Variants in MYO6 observed in about 807,000 individuals in gnomAD.
MYO6 encodes myosin VI.
MYO6 carries 74 observed loss-of-function variants against 178.7 expected under a neutral mutation model. That is an observed-to-expected ratio of 0.41 (90% CI 0.34 to 0.50). MYO6 has a LOEUF of 0.50. Ranked by LOEUF, MYO6 falls within the 20% of genes least tolerant of loss-of-function variation. The pLI, the probability that MYO6 is intolerant of heterozygous loss-of-function variation, is 0.09. For missense variants in MYO6, 1,330 were observed against 1,547.4 expected, an observed-to-expected ratio of 0.86 and a Z score of 2.36; for synonymous variants, 477 against 504.6, an observed-to-expected ratio of 0.95 and a Z score of 0.73.
chr6:75,900,597 A>C (rs1223808859), intron 30 of MYO6, among the ~76,000 whole-genome samples: 1 of 151,886 alleles, frequency 6.6e-6, no homozygotes, highest in African/African-American at 2.4e-5. Context: ...GTTTTCTTGT[A>C]AATTTGTTTG....
At chr6:75,874,684 C>G (rs1213953328) in intron 20 of MYO6, among the ~76,000 whole-genome samples, 1 of 152,210 alleles carries the variant, frequency 6.6e-6, no homozygotes, top group Non-Finnish European at 1.5e-5. Flanking sequence ...TCAGATGGAT[C>G]TTTCCCATTA....
chr6:75,915,939 T>A lies in MYO6; in HGVS notation c.*927T>A, dbSNP rs1168228716. 1 of 152,650 alleles carries A rather than the reference T, an allele frequency of 6.6e-6. No homozygotes were observed. The highest frequency in any genetic ancestry group is 1.5e-5 in the Non-Finnish European group (1 of 68,036). 9.5% of individuals were successfully genotyped at this position (152,650 alleles called of 1,614,324 possible). ...GTTCTGCTTCCAACATCTTTCTTTT[T>A]AAGAAATTCCTAGTGTCTTTTTTGG... is the stretch of plus-strand genomic sequence containing the variant. On this transcript the variant is annotated 3_prime_UTR_variant, in exon 35 of 35. Transcript: ENST00000369977.
Position 75,805,002 on chromosome 6 carries a change from C to CACATATATAT in MYO6, c.-47-12498_-47-12497insCATATATATA, listed in dbSNP as rs1554199386. Among the ~76,000 whole-genome samples the CACATATATAT allele has an allele frequency of 2.3e-3, 148 of 63,942 alleles. 2 individuals carry two copies. Among genetic ancestry groups the CACATATATAT allele is most frequent in the African/African-American group, 7.5e-3 (98 of 13,124 alleles). 41.9% of individuals were successfully genotyped at this position (63,942 alleles called of 152,430 possible). On this transcript the variant is annotated intron_variant, in intron 1 of 34. Transcript: ENST00000369977. ...ACACACATATATATATACACACACA[C>CACATATATAT]ATATATATATATATATATATTTTTT...
Position 75,916,200 on chromosome 6 carries a change from G to T in MYO6, c.*1188G>T, listed in dbSNP as rs1284957041. On this transcript the variant is annotated 3_prime_UTR_variant, in exon 35 of 35. Coordinates refer to ENST00000369977, the MANE Select transcript of MYO6 (RefSeq NM_004999.4). The stretch of plus-strand genomic sequence containing the variant: ...TGCTGACATAATTCTAAGGAGTTTT[G>T]TTGTATTTTAGAATAAAATTATAAA... 5.3e-5 allele frequency: 8 copies of T among 152,120 alleles called. No individual in the cohort carries two copies. Among genetic ancestry groups the T allele is most frequent in the African/African-American group, 1.9e-4 (8 of 41,420 alleles). The allele number at this position is 152,120 out of a possible 1,614,324, so 9.4% of individuals were successfully genotyped here. A position where few individuals can be genotyped will look rare whatever the true frequency, so the allele number is the denominator to read the frequency against.
intron 10 of MYO6, 33 bp downstream of exon 10, chr6:75,845,010 CT>C: frequency 6.5e-7 from 1 of 1,528,360 alleles, no homozygotes; most frequent in Non-Finnish European, 9.0e-7. Flanking sequence ...AAATCTTTAA[CT>C]TAAAAAAAAA....
chr6:75,912,868 G>A (rs918454583), intron 33 of MYO6, among the ~76,000 whole-genome samples: 10 of 152,060 alleles, frequency 6.6e-5, no homozygotes, highest in Non-Finnish European at 1.3e-4. Context: ...CGGGCCTCTC[G>A]TTCCTTCATA....
At chr6:75,863,865 G>T (rs534284877) in intron 16 of MYO6, among the ~76,000 whole-genome samples, 1 of 152,166 alleles carries the variant, frequency 6.6e-6, no homozygotes, top group African/African-American at 2.4e-5. Flanking sequence ...AGGGTGGACT[G>T]TGTGGCTATT....
intron 23 of MYO6, among the ~76,000 whole-genome samples, chr6:75,883,416 A>G (rs1778197410): frequency 6.6e-6 from 1 of 152,082 alleles, no homozygotes; most frequent in African/African-American, 2.4e-5. Context: ...CTTTTAGGAC[A>G]TGGTTCTTGG....
intron 3 of MYO6, among the ~76,000 whole-genome samples, chr6:75,825,184 G>A (rs983263798): frequency 6.6e-6 from 1 of 152,166 alleles, no homozygotes; most frequent in Non-Finnish European, 1.5e-5. Context: ...TAATTAAAAG[G>A]AAAATAATAG....
chr6:75,898,374 G>A lies in MYO6; in HGVS notation c.3139G>A (p.Glu1047Lys). 2 of 1,606,958 alleles carry A rather than the reference G, an allele frequency of 1.2e-6. No homozygotes were observed. The highest frequency in any genetic ancestry group is 4.5e-5 in the East Asian group (2 of 44,764). Residue 1047 changes from glutamate to lysine, a missense_variant and splice_region_variant, in exon 30 of 35, where the codon GAA becomes AAA. Glu to Lys is a moderately conservative substitution (Grantham distance 56, BLOSUM62 1). Transcript: ENST00000369977. ...NDGTRPKMTP[E>K]QMAKEMSEFL... Reference sequence around the variant, plus strand: ...ATTGTATTATCGTTTTTCTTGTAGGGAACAAATGGCCAAAGAAATGTCAGA... The same window carrying A: ...ATTGTATTATCGTTTTTCTTGTAGGAAACAAATGGCCAAAGAAATGTCAGA...
chr6:75,857,975 C>T (rs76046889), intron 13 of MYO6, among the ~76,000 whole-genome samples: 2,476 of 152,116 alleles, frequency 0.016, 72 homozygotes, highest in African/African-American at 0.057. Context: ...TGAGTGTTTA[C>T]ATTTGGGGAG....
chr6:75,783,166 C>G (rs1767163310), intron 1 of MYO6, among the ~76,000 whole-genome samples: 1 of 152,122 alleles, frequency 6.6e-6, no homozygotes, highest in African/African-American at 2.4e-5. Context: ...ATCCTCTTCC[C>G]TTGCCCTCCC....
At chr6:75,889,129 CAA>C (rs1191090299) in intron 25 of MYO6, among the ~76,000 whole-genome samples, 1 of 151,614 alleles carries the variant, frequency 6.6e-6, no homozygotes, top group African/African-American at 2.4e-5. Context: ...TTTATGTAAA[CAA>C]TGGCAATCTT....
intron 10 of MYO6, among the ~76,000 whole-genome samples, chr6:75,846,735 G>A (rs1294038868): frequency 6.6e-6 from 1 of 151,928 alleles, no homozygotes; most frequent in Non-Finnish European, 1.5e-5. Flanking sequence ...TTCTGAAGGG[G>A]GGAAAAAGAT....
At chr6:75,864,924 A>G (rs1224639546) in intron 16 of MYO6, among the ~76,000 whole-genome samples, 1 of 152,214 alleles carries the variant, frequency 6.6e-6, no homozygotes, top group Non-Finnish European at 1.5e-5. Context: ...GTTAAGTGAC[A>G]TGCCTAATAT....
chr6:75,751,222 G>A (rs1450276784), intron 1 of MYO6, among the ~76,000 whole-genome samples: 5 of 152,152 alleles, frequency 3.3e-5, no homozygotes, highest in African/African-American at 1.2e-4. Context: ...CGCAGGAATT[G>A]CATCCACTTT....
At chr6:75,787,730 C>CTCTA (rs1767784406) in intron 1 of MYO6, among the ~76,000 whole-genome samples, 9 of 11,660 alleles carry the variant, frequency 7.7e-4, no homozygotes, top group Non-Finnish European at 1.0e-3. Flanking sequence ...CTCTCTCTCT[C>CTCTA]TATATATATA....
chr6:75,755,306 CTG>C (rs1181319750), intron 1 of MYO6, among the ~76,000 whole-genome samples: 2 of 152,192 alleles, frequency 1.3e-5, no homozygotes. Flanking sequence ...AGCATCATCT[CTG>C]TGTAGTCCCA....
chr6:75,910,184 T>C (rs946814608), intron 32 of MYO6, among the ~76,000 whole-genome samples: 2 of 152,192 alleles, frequency 1.3e-5, no homozygotes, highest in African/African-American at 4.8e-5. Flanking sequence ...GTCTGTGTAG[T>C]GAGTTCTGAC....
Sources: gnomAD v4.1 joint callset for allele counts (sites outside exome capture counted in the v4.1 genomes callset) on GRCh38, gnomAD v4.1.1 for gene constraint, MANE v1.5 for transcripts, NCBI Gene and HGNC (gene_info 2026-07-23, HGNC 2026-07-21) for gene names.